BABAM2: variants seen among roughly 807,000 people sequenced by gnomAD.
BABAM2 encodes the protein BRISC and BRCA1 A complex member 2, also known as BRISC and BRCA1-A complex member 2.
In BABAM2, 31 loss-of-function variants were observed where a neutral mutation model predicts 54.7. The ratio of observed to expected loss-of-function variants is 0.57; its 90% CI spans 0.43 to 0.77. The LOEUF (loss-of-function observed/expected upper bound fraction) is 0.77, where lower values mean the gene tolerates loss of function less well. Among genes scored for constraint, BABAM2 ranks in the 30% least tolerant of loss-of-function variants. The probability of loss-of-function intolerance (pLI) is 0.00; values close to 1 mark genes in which losing one functional copy is unlikely to be tolerated. For missense variants in BABAM2, 364 were observed against 455.8 expected, an observed-to-expected ratio of 0.80 and a Z score of 1.83; for synonymous variants, 167 against 162.9, an observed-to-expected ratio of 1.03 and a Z score of -0.19.
intron 10 of BABAM2, among the ~76,000 whole-genome samples, chr2:28,264,815 C>T (rs772081606): frequency 3.9e-5 from 6 of 152,170 alleles, no homozygotes; most frequent in Non-Finnish European, 5.9e-5. Flanking sequence ...TACATGCTAA[C>T]GTTCAAAGAC....
intron 11 of BABAM2, 128 bp from the exon 12 acceptor site, chr2:28,338,322 A>G (rs924153569): frequency 2.3e-6 from 2 of 887,248 alleles, no homozygotes; most frequent in Non-Finnish European, 3.7e-6. Flanking sequence ...AGAGAAGGCA[A>G]ATCCAACCCA....
chr2:28,194,667 C>T (rs1294271306), intron 7 of BABAM2, among the ~76,000 whole-genome samples: 3 of 147,766 alleles, frequency 2.0e-5, no homozygotes, highest in Non-Finnish European at 3.0e-5. Flanking sequence ...TTGCAACCTC[C>T]GCCTCCTGGG....
chr2:28,190,151 T>G (rs1473508937), intron 7 of BABAM2, among the ~76,000 whole-genome samples: 1 of 152,222 alleles, frequency 6.6e-6, no homozygotes, highest in African/African-American at 2.4e-5. Context: ...TCAAAATGAA[T>G]TTATAGACCT....
At chr2:27,963,839 TATAAC>T (rs751501348) in intron 3 of BABAM2, among the ~76,000 whole-genome samples, 130 of 152,352 alleles carry the variant, frequency 8.5e-4, no homozygotes, top group Middle Eastern at 3.4e-3. Flanking sequence ...TTCTGAGTGA[TATAAC>T]ATACTTGTTC....
At chr2:27,917,070 T>C (rs1165445587) in intron 2 of BABAM2, among the ~76,000 whole-genome samples, 1 of 144,146 alleles carries the variant, frequency 6.9e-6, no homozygotes, top group Non-Finnish European at 1.5e-5. Flanking sequence ...CAGGCTGGAG[T>C]GCAGTGGCAC....
At position 28,108,121 on chromosome 2, in the gene BABAM2, T is replaced by G. The variant is rs546348917; in HGVS notation, c.571-21150T>G. On this transcript the variant is annotated intron_variant, in intron 6 of 11. Transcript: ENST00000379624. Reference sequence around the variant, plus strand: ...TATGTTTGTTTATTTTTTAACATAGTTTGTGAAGCCTGCTTTGTACTGTTT... The same window carrying G: ...TATGTTTGTTTATTTTTTAACATAGGTTGTGAAGCCTGCTTTGTACTGTTT... 3.9e-5 allele frequency among the ~76,000 whole-genome samples: 6 copies of G among 152,308 alleles called. No homozygotes were observed. The South Asian group carries it at 1.2e-3, about 32-fold the overall frequency.
At chr2:28,335,869 CAG>C (rs1491175859) in intron 11 of BABAM2, among the ~76,000 whole-genome samples, 1 of 152,194 alleles carries the variant, frequency 6.6e-6, no homozygotes, top group Non-Finnish European at 1.5e-5. Context: ...GTGGCCAGCT[CAG>C]GGGGGTCTGT....
intron 10 of BABAM2, among the ~76,000 whole-genome samples, chr2:28,287,129 A>T (rs1191097130): frequency 6.6e-6 from 1 of 152,192 alleles, no homozygotes; most frequent in Non-Finnish European, 1.5e-5. Context: ...TTTTTCTTCT[A>T]ATCATTTACA....
At chr2:28,056,635 A>G (rs913952727) in intron 6 of BABAM2, among the ~76,000 whole-genome samples, 3 of 152,196 alleles carry the variant, frequency 2.0e-5, no homozygotes, top group Non-Finnish European at 4.4e-5. Flanking sequence ...CTTTAGTAAC[A>G]TGAATTAGTT....
chr2:27,976,485 A>G (rs1671614359), intron 3 of BABAM2, among the ~76,000 whole-genome samples: 1 of 152,160 alleles, frequency 6.6e-6, no homozygotes, highest in South Asian at 2.1e-4. Context: ...GATTCCATTT[A>G]TATGGCATTC....
At chr2:28,178,747 C>T (rs1386603817) in intron 7 of BABAM2, among the ~76,000 whole-genome samples, 1 of 149,282 alleles carries the variant, frequency 6.7e-6, no homozygotes, top group Non-Finnish European at 1.5e-5. Flanking sequence ...CCTAGCTAGA[C>T]TATACAAGAA....
intron 11 of BABAM2, among the ~76,000 whole-genome samples, chr2:28,337,080 G>A (rs1188465659): frequency 1.3e-5 from 2 of 152,182 alleles, no homozygotes; most frequent in Non-Finnish European, 2.9e-5. Flanking sequence ...GAGGGTGACA[G>A]GTCTTGGTGG....
chr2:28,193,221 T>C (rs759821673), intron 7 of BABAM2, among the ~76,000 whole-genome samples: 1 of 152,064 alleles, frequency 6.6e-6, no homozygotes, highest in Non-Finnish European at 1.5e-5. Flanking sequence ...GAGGAATAAA[T>C]TGGGCACATT....
intron 4 of BABAM2, among the ~76,000 whole-genome samples, chr2:27,990,217 A>G (rs1052465921): frequency 6.6e-6 from 1 of 152,164 alleles, no homozygotes; most frequent in African/African-American, 2.4e-5. Flanking sequence ...CATACCCTCC[A>G]CTAGTTGGGC....
At chr2:28,128,620 G>A (rs1263299502) in intron 6 of BABAM2, among the ~76,000 whole-genome samples, 1 of 152,116 alleles carries the variant, frequency 6.6e-6, no homozygotes, top group African/African-American at 2.4e-5. Flanking sequence ...TTAGTTTATT[G>A]TGTGTTATTT....
At chr2:27,976,353 A>G (rs982423372) in intron 3 of BABAM2, among the ~76,000 whole-genome samples, 6 of 152,140 alleles carry the variant, frequency 3.9e-5, no homozygotes, top group Non-Finnish European at 1.5e-5. Context: ...ACATCTGTAC[A>G]ATGGAATATA....
At chr2:28,026,885 T>A (rs868622114) in intron 5 of BABAM2, among the ~76,000 whole-genome samples, 603 of 40,026 alleles carry the variant, frequency 0.015, 37 homozygotes, top group African/African-American at 0.03. Flanking sequence ...TATATATATA[T>A]AGATATATAT....
intron 2 of BABAM2, among the ~76,000 whole-genome samples, chr2:27,912,758 T>C (rs1422644622): frequency 6.6e-6 from 1 of 152,196 alleles, no homozygotes; most frequent in Non-Finnish European, 1.5e-5. Context: ...TTTATTAATA[T>C]CTTCTTGCAA....
At chr2:28,268,441 G>A (rs1049146478) in intron 10 of BABAM2, among the ~76,000 whole-genome samples, 4 of 152,184 alleles carry the variant, frequency 2.6e-5, no homozygotes, top group Non-Finnish European at 5.9e-5. Flanking sequence ...TTCTGAGAGG[G>A]AGCATAGATT....
Sources: gnomAD v4.1 joint callset for allele counts (sites outside exome capture counted in the v4.1 genomes callset) on GRCh38, gnomAD v4.1.1 for gene constraint, MANE v1.5 for transcripts, NCBI Gene and HGNC (gene_info 2026-07-23, HGNC 2026-07-21) for gene names.